The following GMDS variants were observed in gnomAD, a reference collection of about 807,000 sequenced individuals.
GMDS encodes GDP-mannose 4,6 dehydratase.
A neutral mutation model predicts 49.9 loss-of-function variants in GMDS; 20 were observed. The observed-to-expected ratio is 0.40, with a 90% CI of 0.28 to 0.58. The LOEUF is 0.58. Ranked by LOEUF, GMDS falls within the 20% of genes least tolerant of loss-of-function variation. The probability of loss-of-function intolerance (pLI) is 0.42; values close to 1 mark genes in which losing one functional copy is unlikely to be tolerated. For missense variants in GMDS, 362 were observed against 481.4 expected, an observed-to-expected ratio of 0.75 and a Z score of 2.32; for synonymous variants, 177 against 178.6, an observed-to-expected ratio of 0.99 and a Z score of 0.07.
rs749056624 is a variant in GMDS at position 2,191,606 on chromosome 6, C to T, written c.102+53715G>A. Among the ~76,000 whole-genome samples, 22 of 152,212 alleles carry T rather than the reference C, an allele frequency of 1.4e-4. No homozygotes were observed. Among genetic ancestry groups the T allele is most frequent in the Non-Finnish European group, 2.2e-4 (15 of 68,026 alleles). On this transcript the variant is annotated intron_variant, in intron 1 of 10. Transcript: ENST00000380815. The surrounding 1 kb of genome is among the most constrained non-coding windows in gnomAD (Gnocchi z 4.6). ...CGCTCCAGGCACCTGCTATGATCTC[C>T]GAATGGGGTTGGGGCCAAGCCGGGG... is the stretch of plus-strand genomic sequence containing the variant.
At chr6:1,664,874 C>T (rs1427409432) in intron 9 of GMDS, among the ~76,000 whole-genome samples, 1 of 152,150 alleles carries the variant, frequency 6.6e-6, no homozygotes, top group Admixed American at 6.5e-5. Flanking sequence ...AAGTTAGAAG[C>T]GTCCTAACTG....
chr6:1,646,132 T>C (rs2113199729), intron 9 of GMDS, among the ~76,000 whole-genome samples: 1 of 152,316 alleles, frequency 6.6e-6, no homozygotes, highest in East Asian at 1.9e-4. Flanking sequence ...CTCCCATCCT[T>C]GAGATTTAAA....
intron 7 of GMDS, among the ~76,000 whole-genome samples, chr6:1,873,916 C>T (rs541608747): frequency 1.3e-5 from 2 of 152,326 alleles, no homozygotes; most frequent in African/African-American, 4.8e-5. Context: ...ACCACACACT[C>T]GCTTTATTCA....
chr6:2,147,565 G>T (rs558692295), intron 1 of GMDS, among the ~76,000 whole-genome samples: 2 of 151,786 alleles, frequency 1.3e-5, no homozygotes, highest in Admixed American at 1.3e-4. Flanking sequence ...CCAGTCTGGC[G>T]TTAAGACATT....
At position 1,994,999 on chromosome 6, in the gene GMDS, A is replaced by T. The variant is rs532987204; in HGVS notation, c.346-34033T>A. Among the ~76,000 whole-genome samples the T allele has an allele frequency of 3.9e-5, 6 of 152,316 alleles. No homozygotes were observed. The South Asian group carries it at 6.2e-4, about 16-fold the overall frequency. The stretch of plus-strand genomic sequence containing the variant: ...ACTATAAAGCATGTATGATTGGATC[A>T]CACAAAAATAATCCATGCTTAGTTA... On this transcript the variant is annotated intron_variant, in intron 4 of 10. Transcript: ENST00000380815.
At chr6:1,830,163 G>A (rs766396079) in intron 7 of GMDS, among the ~76,000 whole-genome samples, 2 of 152,140 alleles carry the variant, frequency 1.3e-5, no homozygotes, top group African/African-American at 2.4e-5. Context: ...AAATCTACAT[G>A]TGGCTGTTGG....
chr6:1,865,027 C>T (rs892404854), intron 7 of GMDS, among the ~76,000 whole-genome samples: 2 of 152,136 alleles, frequency 1.3e-5, no homozygotes, highest in African/African-American at 4.8e-5. Context: ...TTTTTATTGC[C>T]GGAGCTTAGA....
At chr6:1,854,308 C>A (rs114825961) in intron 7 of GMDS, among the ~76,000 whole-genome samples, 4,294 of 152,246 alleles carry the variant, frequency 0.028, 198 homozygotes, top group African/African-American at 0.097. Flanking sequence ...TATTTTACTG[C>A]AAACAAGGGC....
intron 1 of GMDS, among the ~76,000 whole-genome samples, chr6:2,230,206 C>G (rs923117630): frequency 6.6e-6 from 1 of 152,220 alleles, no homozygotes; most frequent in Admixed American, 6.5e-5. Flanking sequence ...CAGTCAATGT[C>G]CTACTAAAAG....
chr6:2,157,508 A>ATTT (rs1208878966), intron 1 of GMDS, among the ~76,000 whole-genome samples: 2 of 152,240 alleles, frequency 1.3e-5, no homozygotes, highest in African/African-American at 4.8e-5. Flanking sequence ...TGACCTGAGT[A>ATTT]GAAAAGATGA....
At chr6:1,825,795 G>A (rs989880948) in intron 7 of GMDS, among the ~76,000 whole-genome samples, 3 of 152,210 alleles carry the variant, frequency 2.0e-5, no homozygotes, top group East Asian at 1.9e-4. Flanking sequence ...GATCACTTGA[G>A]GCTAGCTAGG....
At chr6:2,239,905 A>C (rs1581847059) in intron 1 of GMDS, among the ~76,000 whole-genome samples, 1 of 151,980 alleles carries the variant, frequency 6.6e-6, no homozygotes, top group Non-Finnish European at 1.5e-5. Flanking sequence ...CCAGGATGGT[A>C]TCGATCTCCT....
chr6:2,225,315 G>A (rs1242021258), intron 1 of GMDS, among the ~76,000 whole-genome samples: 1 of 152,106 alleles, frequency 6.6e-6, no homozygotes, highest in Non-Finnish European at 1.5e-5. Context: ...GAGTAACCAA[G>A]CAAGACCCTG....
chr6:1,837,802 T>TA (rs1756992693), intron 7 of GMDS, among the ~76,000 whole-genome samples: 1 of 152,116 alleles, frequency 6.6e-6, no homozygotes, highest in African/African-American at 2.4e-5. Context: ...GGCTGGGGCT[T>TA]TGTGCACTTT....
intron 1 of GMDS, among the ~76,000 whole-genome samples, chr6:2,211,868 A>C (rs1216987789): frequency 6.6e-6 from 1 of 152,220 alleles, no homozygotes; most frequent in Non-Finnish European, 1.5e-5. Flanking sequence ...CAAAGTAGGA[A>C]CTAGGTACTC....
At chr6:1,925,469 A>AT (rs989140718) in intron 7 of GMDS, among the ~76,000 whole-genome samples, 2 of 152,166 alleles carry the variant, frequency 1.3e-5, no homozygotes, top group African/African-American at 2.4e-5. Context: ...ACTGATGCTA[A>AT]TTTTTTACAG....
At chr6:1,943,861 G>A (rs1384586525) in intron 6 of GMDS, among the ~76,000 whole-genome samples, 1 of 152,176 alleles carries the variant, frequency 6.6e-6, no homozygotes, top group Non-Finnish European at 1.5e-5. Flanking sequence ...AGGGATGTGA[G>A]AAGGATAAAA....
rs535626398 is a variant in GMDS, at chr6:1,916,984, C to A, written c.771+13119G>T. ...TTCTTCAAATTATATGATTGTACAA[C>A]TATTAAAGGACTGCTTAATGTAGAG... On this transcript the variant is annotated intron_variant, in intron 7 of 10. Coordinates refer to ENST00000380815, the MANE Select transcript of GMDS (RefSeq NM_001500.4). 2.0e-5 allele frequency among the ~76,000 whole-genome samples: 3 copies of A among 151,752 alleles called. No homozygotes were observed. In the East Asian group the frequency reaches 5.8e-4, roughly 29 times the overall value.
At position 1,858,964 on chromosome 6, in the gene GMDS, T is replaced by TG. The variant is rs1191509142; in HGVS notation, c.771+71138_771+71139insC. Among the ~76,000 whole-genome samples, 4 of 125,990 alleles carry TG rather than the reference T, an allele frequency of 3.2e-5. 1 individual carries two copies. Among genetic ancestry groups the TG allele is most frequent in the Admixed American group, 2.2e-4 (3 of 13,418 alleles). The allele number at this position is 125,990 out of a possible 152,430, so 82.7% of individuals were successfully genotyped here. A position where few individuals can be genotyped will look rare whatever the true frequency, so the allele number is the denominator to read the frequency against. On this transcript the variant is annotated intron_variant, in intron 7 of 10. Transcript: ENST00000380815. ...CGTATCTCAGTGCTTTTTTTGTGTT[T>TG]TGGGGGGGGCAGGCACTTAACTGAG...
Sources: allele counts gnomAD v4.1 joint callset (sites outside exome capture counted in the v4.1 genomes callset), GRCh38; gene constraint gnomAD v4.1.1; non-coding constraint Gnocchi (gnomAD v3.1); transcripts MANE v1.5; gene names NCBI Gene and HGNC (gene_info 2026-07-23, HGNC 2026-07-21).